The following BTBD7 variants were observed in gnomAD, a reference collection of about 807,000 sequenced individuals.
BTBD7 encodes the protein BTB/POZ domain-containing protein 7.
BTBD7 carries 38 observed loss-of-function variants against 99.9 expected under a neutral mutation model. The observed-to-expected ratio is 0.38, with a 90% CI of 0.29 to 0.50. The LOEUF (loss-of-function observed/expected upper bound fraction) is 0.50, where lower values mean the gene tolerates loss of function less well. Ranked by LOEUF, BTBD7 falls within the 20% of genes least tolerant of loss-of-function variation. The probability of loss-of-function intolerance (pLI) is 0.93; values close to 1 mark genes in which losing one functional copy is unlikely to be tolerated. For synonymous variants in BTBD7, 520 were observed against 511.4 expected, an observed-to-expected ratio of 1.02 and a Z score of -0.23; for missense variants, 1,170 against 1,394.6, an observed-to-expected ratio of 0.84 and a Z score of 2.57.
intron 3 of BTBD7, among the ~76,000 whole-genome samples, chr14:93,269,572 TC>T (rs1446229830): frequency 6.6e-6 from 1 of 152,210 alleles, no homozygotes; most frequent in East Asian, 1.9e-4. Flanking sequence ...TGTCATGTGT[TC>T]TCTCTCGGCA....
intron 3 of BTBD7, among the ~76,000 whole-genome samples, chr14:93,292,576 A>G (rs1369928051): frequency 6.6e-6 from 1 of 152,206 alleles, no homozygotes; most frequent in Non-Finnish European, 1.5e-5. Context: ...TCTTTATGTA[A>G]AAGAAATCTC....
rs1030282121 is a variant in BTBD7 at position 93,240,252 on chromosome 14, A to C, written c.*2021T>G. The C allele has an allele frequency of 6.5e-6, 1 of 152,728 alleles. No individual in the cohort carries two copies. Among genetic ancestry groups the C allele is most frequent in the African/African-American group, 2.4e-5 (1 of 41,472 alleles). The allele number at this position is 152,728 out of a possible 1,614,324, so 9.5% of individuals were successfully genotyped here. On this transcript the variant is annotated 3_prime_UTR_variant, in exon 11 of 11. Transcript: ENST00000334746. ...CACAGCAGCTAACCAGTCAGGCAGC[A>C]GAACGAGTGGCGGCAGTTTGCCGGG...
intron 3 of BTBD7, among the ~76,000 whole-genome samples, chr14:93,275,602 CAG>C (rs925587400): frequency 2.6e-5 from 4 of 152,172 alleles, no homozygotes; most frequent in Non-Finnish European, 4.4e-5. Context: ...GTGCGAACAT[CAG>C]AGTGTACGTA....
chr14:93,284,935 T>TTA (rs933220586), intron 3 of BTBD7, among the ~76,000 whole-genome samples: 3 of 151,930 alleles, frequency 2.0e-5, no homozygotes, highest in South Asian at 2.1e-4. Flanking sequence ...AGATGCAATA[T>TTA]TATATATATA....
In BTBD7 at chr14:93,300,772, G is replaced by GTGTGTGTGTGTGTATA. The variant is rs1438410480; in HGVS notation, c.-106-4616_-106-4615insTATACACACACACACA. 4.4e-5 allele frequency among the ~76,000 whole-genome samples: 3 copies of GTGTGTGTGTGTGTATA among 67,888 alleles called. 1 individual carries two copies. The highest frequency in any genetic ancestry group is 1.2e-3 in the South Asian group (2 of 1,628). 44.5% of individuals were successfully genotyped at this position (67,888 alleles called of 152,430 possible). On this transcript the variant is annotated intron_variant, in intron 1 of 10. Coordinates refer to ENST00000334746, the MANE Select transcript of BTBD7 (RefSeq NM_001002860.4). ...TGTGTGTGTGTGTGTGTGTGTGTGT[G>GTGTGTGTGTGTGTATA]TATATATATATATATTTTTTTTTTG...
At chr14:93,292,541 A>C (rs1251706246) in intron 3 of BTBD7, among the ~76,000 whole-genome samples, 1 of 152,254 alleles carries the variant, frequency 6.6e-6, no homozygotes, top group Non-Finnish European at 1.5e-5. Context: ...TAAAAGGATT[A>C]TGGTAAAGTA....
At chr14:93,288,499 A>AC in intron 3 of BTBD7, 1 of 762,092 alleles carries the variant, frequency 1.3e-6, no homozygotes, top group Non-Finnish European at 2.4e-6. Flanking sequence ...ATATAAGGAT[A>AC]TTTTGATTCT....
chr14:93,288,526 G>A, intron 3 of BTBD7: 1 of 779,214 alleles, frequency 1.3e-6, no homozygotes. Flanking sequence ...GTTTTCTTCT[G>A]CTCCCTTCAT....
At chr14:93,250,558 G>T (rs2052358591) in intron 8 of BTBD7, among the ~76,000 whole-genome samples, 1 of 152,152 alleles carries the variant, frequency 6.6e-6, no homozygotes, top group South Asian at 2.1e-4. Flanking sequence ...TTTAATTACA[G>T]TAGACATTTA....
intron 6 of BTBD7, among the ~76,000 whole-genome samples, chr14:93,254,062 C>T (rs2052401979): frequency 1.3e-5 from 2 of 151,746 alleles, no homozygotes; most frequent in Non-Finnish European, 1.5e-5. Context: ...CTCAGCCTCC[C>T]GAGTAGCTGG....
intron 1 of BTBD7, among the ~76,000 whole-genome samples, chr14:93,298,039 T>C (rs2052950407): frequency 6.8e-6 from 1 of 147,238 alleles, no homozygotes; most frequent in Non-Finnish European, 1.5e-5. Flanking sequence ...CAAGTTCGAT[T>C]ATTATTTCTT....
Position 93,242,616 on chromosome 14 carries a change from C to T in BTBD7, c.3056G>A (p.Arg1019Lys), listed in dbSNP as rs528317023. ...YPLSPDGHLH[R>K]QKNEPIHLDV... ...CAGGTGTATCGGCTCATTCTTTTGT[C>T]TGTGTAGATGCCCGTCAGGGGAAAG... The change falls in exon 11 of 11, where the codon AGA becomes AAA. Residue 1019 changes from arginine (R) to lysine (K), a missense_variant. Transcript: ENST00000334746. 1.9e-6 allele frequency: 3 copies of T among 1,614,152 alleles called. No homozygotes were observed. Among genetic ancestry groups the T allele is most frequent in the Middle Eastern group, 1.6e-4 (1 of 6,062 alleles).
Position 93,240,374 on chromosome 14 carries a change from A to G in BTBD7, c.*1899T>C, listed in dbSNP as rs2052210595. 1 of 152,650 alleles carries G rather than the reference A, an allele frequency of 6.6e-6. No homozygotes were observed. Among genetic ancestry groups the G allele is most frequent in the Non-Finnish European group, 1.5e-5 (1 of 68,036 alleles). The allele number at this position is 152,650 out of a possible 1,614,324, so 9.5% of individuals were successfully genotyped here. ...ATTCCTGAGTGTATATCCACAGGGT[A>G]AAGGAGGAAAAGACCGTAAGAGAAA... On this transcript the variant is annotated 3_prime_UTR_variant, in exon 11 of 11. Coordinates refer to ENST00000334746, the MANE Select transcript of BTBD7 (RefSeq NM_001002860.4).
intron 3 of BTBD7, among the ~76,000 whole-genome samples, chr14:93,279,790 C>T (rs1351768839): frequency 6.6e-6 from 1 of 152,152 alleles, no homozygotes; most frequent in Admixed American, 6.5e-5. Context: ...TTACTTTAAT[C>T]TCAGGTTCTG....
intron 3 of BTBD7, among the ~76,000 whole-genome samples, chr14:93,293,133 G>GA (rs1451107971): frequency 2.6e-5 from 4 of 152,014 alleles, no homozygotes; most frequent in Non-Finnish European, 5.9e-5. Context: ...CCTACAAAAG[G>GA]TCTCTTTCCA....
At chr14:93,262,776 C>T (rs1595295671) in intron 4 of BTBD7, among the ~76,000 whole-genome samples, 1 of 146,396 alleles carries the variant, frequency 6.8e-6, no homozygotes, top group East Asian at 1.9e-4. Context: ...ATCTAGGCTG[C>T]TCTCTGTTTT....
intron 3 of BTBD7, among the ~76,000 whole-genome samples, chr14:93,280,480 G>GT (rs970262893): frequency 1.4e-4 from 22 of 152,156 alleles, no homozygotes; most frequent in Non-Finnish European, 3.1e-4. Flanking sequence ...TATATTTTCA[G>GT]TTTTTTGGCA....
intron 1 of BTBD7, among the ~76,000 whole-genome samples, chr14:93,301,146 G>C (rs964118440): frequency 6.6e-6 from 1 of 151,930 alleles, no homozygotes; most frequent in Non-Finnish European, 1.5e-5. Context: ...CTTGAGGCCA[G>C]GAGTTAGAGA....
chr14:93,271,531 G>A (rs1411715757), intron 3 of BTBD7, among the ~76,000 whole-genome samples: 1 of 152,170 alleles, frequency 6.6e-6, no homozygotes, highest in Non-Finnish European at 1.5e-5. Flanking sequence ...GTACAAACAG[G>A]CTCGAGAGAA....
Sources: gnomAD v4.1 joint callset for allele counts (sites outside exome capture counted in the v4.1 genomes callset) on GRCh38, gnomAD v4.1.1 for gene constraint, MANE v1.5 for transcripts, NCBI Gene and HGNC (gene_info 2026-07-23, HGNC 2026-07-21) for gene names.